CCSER1: variants seen among roughly 807,000 people sequenced by gnomAD.
CCSER1 encodes serine-rich coiled-coil domain-containing protein 1.
CCSER1 carries 41 observed loss-of-function variants against 82.0 expected under a neutral mutation model. That is an observed-to-expected ratio of 0.50 (90% CI 0.39 to 0.65). The LOEUF is 0.65. Ranked by LOEUF, CCSER1 falls within the 30% of genes least tolerant of loss-of-function variation. CCSER1 has a pLI of 0.00. For synonymous variants in CCSER1, 414 were observed against 383.9 expected, an observed-to-expected ratio of 1.08 and a Z score of -0.92; for missense variants, 1,119 against 1,064.2, an observed-to-expected ratio of 1.05 and a Z score of -0.72.
intron 10 of CCSER1, among the ~76,000 whole-genome samples, chr4:91,442,938 A>G (rs1325677190): frequency 1.3e-5 from 2 of 152,220 alleles, no homozygotes; most frequent in Non-Finnish European, 1.5e-5. Flanking sequence ...ATCTCACACC[A>G]GTTAGAATGG....
At chr4:91,315,185 G>A (rs1313968236) in intron 10 of CCSER1, among the ~76,000 whole-genome samples, 4 of 151,412 alleles carry the variant, frequency 2.6e-5, no homozygotes, top group African/African-American at 7.3e-5. Context: ...GTGTGTAAGT[G>A]TGTAATTATT....
At chr4:90,533,034 A>G (rs932222668) in intron 5 of CCSER1, among the ~76,000 whole-genome samples, 3 of 133,858 alleles carry the variant, frequency 2.2e-5, no homozygotes, top group Admixed American at 1.5e-4. Flanking sequence ...TGACTTTACT[A>G]TGGTCCCTTT....
chr4:91,523,996 A>G (rs779650679), intron 10 of CCSER1, among the ~76,000 whole-genome samples: 3 of 152,218 alleles, frequency 2.0e-5, no homozygotes, highest in South Asian at 4.1e-4. Context: ...ACAACAACAA[A>G]TCTAACATTG....
At chr4:90,567,505 G>A (rs1680607932) in intron 5 of CCSER1, among the ~76,000 whole-genome samples, 1 of 151,802 alleles carries the variant, frequency 6.6e-6, no homozygotes, top group Non-Finnish European at 1.5e-5. Flanking sequence ...GGTCAGGCTG[G>A]TCTCAAACTC....
intron 6 of CCSER1, among the ~76,000 whole-genome samples, chr4:90,691,865 C>T (rs1376686333): frequency 6.6e-6 from 1 of 151,784 alleles, no homozygotes; most frequent in African/African-American, 2.4e-5. Context: ...CTTCCACCCT[C>T]ACATAGGTTC....
chr4:91,575,270 GAAAACCCAGGAGA>G (rs1206605929), intron 10 of CCSER1, among the ~76,000 whole-genome samples: 1 of 151,842 alleles, frequency 6.6e-6, no homozygotes, highest in Non-Finnish European at 1.5e-5. Context: ...CCTCCTAAAA[GAAAACCCAGGAGA>G]AAAACTCATT....
intron 10 of CCSER1, among the ~76,000 whole-genome samples, chr4:91,259,205 T>A (rs902000449): frequency 2.6e-5 from 4 of 152,188 alleles, no homozygotes; most frequent in Admixed American, 2.6e-4. Flanking sequence ...AAAGTTGCCT[T>A]AAAGATGCAT....
rs1307494737 is a variant in CCSER1, at chr4:91,530,813, G to A, written c.2218-67759G>A. Among the ~76,000 whole-genome samples, 3 of 151,562 alleles carry A rather than the reference G, an allele frequency of 2.0e-5. No individual in the cohort carries two copies. In the East Asian group the frequency reaches 5.8e-4, roughly 29 times the overall value. On this transcript the variant is annotated intron_variant, in intron 10 of 10. Coordinates refer to ENST00000509176, the MANE Select transcript of CCSER1 (RefSeq NM_001145065.2). ...AGCGATTCTCCTGTCTCAGTCTCCT[G>A]AGTAGCTGGGATTACAGGCATGCGC... is the stretch of plus-strand genomic sequence containing the variant.
intron 10 of CCSER1, among the ~76,000 whole-genome samples, chr4:91,268,155 A>C (rs752314264): frequency 1.5e-4 from 23 of 152,364 alleles, no homozygotes; most frequent in Non-Finnish European, 2.6e-4. Context: ...ATGTTTGTTA[A>C]AATTTGCATG....
chr4:91,168,333 C>CT (rs1732373804), intron 10 of CCSER1, among the ~76,000 whole-genome samples: 1 of 118,408 alleles, frequency 8.4e-6, no homozygotes, highest in Non-Finnish European at 1.8e-5. Flanking sequence ...CGGCCACCCC[C>CT]TCTGGGAAGT....
chr4:91,284,003 C>T (rs372920420), intron 10 of CCSER1, among the ~76,000 whole-genome samples: 15 of 152,064 alleles, frequency 9.9e-5, no homozygotes, highest in Admixed American at 2.6e-4. Flanking sequence ...GTAAATGGTT[C>T]CCTTTGCCTC....
At chr4:90,283,116 G>C (rs1297752809) in intron 1 of CCSER1, among the ~76,000 whole-genome samples, 1 of 151,850 alleles carries the variant, frequency 6.6e-6, no homozygotes, top group African/African-American at 2.4e-5. Flanking sequence ...CCGTTATCTA[G>C]TGATAACATG....
At chr4:91,461,521 C>T (rs1297647813) in intron 10 of CCSER1, among the ~76,000 whole-genome samples, 1 of 152,050 alleles carries the variant, frequency 6.6e-6, no homozygotes, top group Non-Finnish European at 1.5e-5. Flanking sequence ...GACCCCTGTG[C>T]ATTGTCAAAC....
intron 10 of CCSER1, among the ~76,000 whole-genome samples, chr4:91,482,473 C>G (rs551656556): frequency 1.1e-4 from 16 of 145,448 alleles, no homozygotes; most frequent in Middle Eastern, 3.7e-3. Flanking sequence ...TGTAGAAATA[C>G]GAATGCTTTT....
At chr4:90,403,204 A>G (rs900676859) in intron 4 of CCSER1, among the ~76,000 whole-genome samples, 1 of 152,236 alleles carries the variant, frequency 6.6e-6, no homozygotes, top group African/African-American at 2.4e-5. Context: ...AACATAATTA[A>G]AGACCTCAGA....
intron 10 of CCSER1, among the ~76,000 whole-genome samples, chr4:91,233,566 G>A (rs1323586663): frequency 6.6e-6 from 1 of 151,882 alleles, no homozygotes; most frequent in Non-Finnish European, 1.5e-5. Flanking sequence ...TGCTACTAAG[G>A]TTTTTCTGTT....
chr4:91,275,028 C>A (rs1057454551), intron 10 of CCSER1, among the ~76,000 whole-genome samples: 30 of 151,882 alleles, frequency 2.0e-4, no homozygotes, highest in Non-Finnish European at 3.4e-4. Flanking sequence ...ATGGTGTGAG[C>A]CCGGGAGGCA....
chr4:90,523,724 G>T (rs2153626524), intron 5 of CCSER1, among the ~76,000 whole-genome samples: 1 of 152,166 alleles, frequency 6.6e-6, no homozygotes, highest in South Asian at 2.1e-4. Flanking sequence ...CTGGAAAGAT[G>T]ATTTTCATGA....
rs528584955 is a variant in CCSER1, at chr4:90,640,637, G to C, written c.1932+12405G>C. ...TATCCCCATAATCCCCAGATGTCAA[G>C]GGAGAGACCATGTGGAGGTAATTGA... On this transcript the variant is annotated intron_variant, in intron 6 of 10. Coordinates refer to ENST00000509176, the MANE Select transcript of CCSER1 (RefSeq NM_001145065.2). Among the ~76,000 whole-genome samples, 60 of 152,226 alleles carry C rather than the reference G, an allele frequency of 3.9e-4. 2 individuals carry two copies. The East Asian group carries it at 9.3e-3, about 24-fold the overall frequency.
Sources: gnomAD v4.1 joint callset for allele counts (sites outside exome capture counted in the v4.1 genomes callset) on GRCh38, gnomAD v4.1.1 for gene constraint, MANE v1.5 for transcripts, NCBI Gene and HGNC (gene_info 2026-07-23, HGNC 2026-07-21) for gene names.